The following PHF8 variants were observed in gnomAD, a reference collection of about 807,000 sequenced individuals.
The protein encoded by PHF8 is histone lysine demethylase PHF8.
In PHF8, 9 loss-of-function variants were observed where a neutral mutation model predicts 74.4. The observed-to-expected ratio is 0.12, with a 90% CI of 0.07 to 0.21. PHF8 has a LOEUF of 0.21. PHF8 is among the 10% of genes least tolerant of loss of function. The probability of loss-of-function intolerance (pLI) is 1.00; values close to 1 mark genes in which losing one functional copy is unlikely to be tolerated. For missense variants in PHF8, 478 were observed against 816.6 expected, an observed-to-expected ratio of 0.59 and a Z score of 5.05; for synonymous variants, 311 against 316.6, an observed-to-expected ratio of 0.98 and a Z score of 0.19.
chrX:54,033,122 T>G (rs1557113033), intron 2 of PHF8, among the ~76,000 whole-genome samples: 1 of 111,004 alleles, frequency 9.0e-6, no homozygotes, highest in Non-Finnish European at 1.9e-5. Flanking sequence ...CACCTGGCAG[T>G]CATGAAGTGG....
intron 14 of PHF8, 136 bp from the exon 15 acceptor site, chrX:53,988,080 T>C: frequency 7.4e-6 from 4 of 542,330 alleles, no homozygotes; most frequent in Non-Finnish European, 1.3e-5. Flanking sequence ...AATAAAAAGC[T>C]GATAGTAAAA....
upstream of PHF8, among the ~76,000 whole-genome samples, chrX:54,046,069 CTCA>C (rs1196514800): frequency 2.7e-5 from 3 of 110,700 alleles, no homozygotes; most frequent in Non-Finnish European, 3.8e-5. Context: ...CCGCCAGAGC[CTCA>C]TGAGTAACTG....
chrX:53,944,340 G>A, intron 19 of PHF8, 97 bp from the exon 20 acceptor site: 1 of 608,180 alleles, frequency 1.6e-6, no homozygotes, highest in Non-Finnish European at 2.7e-6. Context: ...ACTCTCATTG[G>A]TCTTCCTGCT....
intron 19 of PHF8, among the ~76,000 whole-genome samples, chrX:53,951,342 T>TA (rs2064920961): frequency 8.9e-6 from 1 of 111,915 alleles, no homozygotes; most frequent in Non-Finnish European, 1.9e-5. Context: ...AAATAACAAC[T>TA]AAAAACTTTC....
intron 18 of PHF8, among the ~76,000 whole-genome samples, chrX:53,971,545 C>G (rs1368717672): frequency 7.2e-5 from 8 of 111,191 alleles, no homozygotes; most frequent in Non-Finnish European, 1.5e-4. Flanking sequence ...AATTCAGGAG[C>G]TTCTTTTTTG....
intron 19 of PHF8, among the ~76,000 whole-genome samples, chrX:53,950,929 A>G (rs1436779335): frequency 1.8e-5 from 2 of 112,065 alleles, no homozygotes; most frequent in African/African-American, 6.5e-5. Context: ...CAATCAGTGG[A>G]AACTGTCCCT....
At chrX:53,940,560 A>C (rs781881512) in intron 20 of PHF8, 44 bp from the exon 21 acceptor site, 4 of 964,721 alleles carry the variant, frequency 4.1e-6, no homozygotes, top group East Asian at 6.3e-5. Flanking sequence ...GGAGTGAAGA[A>C]GACAAGTTCC....
At chrX:54,032,216 G>C (rs2066370888) in intron 2 of PHF8, among the ~76,000 whole-genome samples, 2 of 111,487 alleles carry the variant, frequency 1.8e-5, no homozygotes, top group Non-Finnish European at 3.8e-5. Context: ...ACAGATTCTA[G>C]GGCTCCATCT....
rs1407122543 is a variant in PHF8 at position 53,942,694 on chromosome X, T to C, written c.2649+1440A>G. ...GTACCACGAATGTTGTAGAAGCATA[T>C]AGAAAAAGGCCTCTGAAATAAAGTG... On this transcript the variant is annotated intron_variant, in intron 20 of 21. Coordinates refer to ENST00000338154, the MANE Select transcript of PHF8 (RefSeq NM_015107.3). 5 of 735,117 alleles carry C rather than the reference T, an allele frequency of 6.8e-6. No homozygotes were observed. The East Asian group carries it at 6.1e-4, about 89-fold the overall frequency. The allele number at this position is 735,117 out of a possible 1,213,427, so 60.6% of individuals were successfully genotyped here.
chrX:54,033,140 T>A (rs2066390285), intron 2 of PHF8, among the ~76,000 whole-genome samples: 1 of 111,018 alleles, frequency 9.0e-6, no homozygotes, highest in Non-Finnish European at 1.9e-5. Context: ...TGGTACCCCC[T>A]TTCTGCCACC....
chrX:53,995,525 G>A (rs781844612), intron 12 of PHF8, among the ~76,000 whole-genome samples, 168 bp downstream of exon 12: 10 of 112,002 alleles, frequency 8.9e-5, no homozygotes, highest in Non-Finnish European at 1.9e-4. Flanking sequence ...CCCAATGTGC[G>A]GCACACTTGA....
At position 53,938,906 on chromosome X, in the gene PHF8, T is replaced by A. The variant is rs782666203; in HGVS notation, c.*252A>T. The stretch of plus-strand genomic sequence containing the variant: ...TGGTTTGGACGAGTAGAAAAGAGGG[T>A]TCTAGTCAGCTGGAAACCTCTCCCA... On this transcript the variant is annotated 3_prime_UTR_variant, in exon 22 of 22. Coordinates refer to ENST00000338154, the MANE Select transcript of PHF8 (RefSeq NM_015107.3). The A allele has an allele frequency of 7.4e-6, 7 of 946,716 alleles. No homozygotes were observed. The highest frequency in any genetic ancestry group is 4.5e-4 in the Middle Eastern group (1 of 2,220). The allele number at this position is 946,716 out of a possible 1,213,427, so 78.0% of individuals were successfully genotyped here.
chrX:53,974,274 A>C (rs782635012), intron 18 of PHF8, among the ~76,000 whole-genome samples: 1 of 111,790 alleles, frequency 8.9e-6, no homozygotes, highest in African/African-American at 3.3e-5. Context: ...TCAAAAAAAA[A>C]AAGAAGAAGA....
At chrX:54,045,893 G>A (rs1557117384), upstream of PHF8, among the ~76,000 whole-genome samples, 2 of 110,493 alleles carry the variant, frequency 1.8e-5, no homozygotes, top group African/African-American at 6.6e-5. Context: ...ACAGGTTTTT[G>A]AGCAGGGGTA....
intron 2 of PHF8, among the ~76,000 whole-genome samples, chrX:54,024,571 C>T (rs782688426): frequency 3.1e-4 from 35 of 111,745 alleles, no homozygotes; most frequent in African/African-American, 1.1e-3. Flanking sequence ...AACTGCTCAA[C>T]ATTGGCACTC....
Position 53,937,775 on chromosome X carries a change from T to G in PHF8, c.*1383A>C. The stretch of plus-strand genomic sequence containing the variant: ...CCCAGAAGCATTGGGCAAGCTGGGG[T>G]GAGGTTGGAGTGGGTGGTACAGGTG... On this transcript the variant is annotated 3_prime_UTR_variant, in exon 22 of 22. Coordinates refer to ENST00000338154, the MANE Select transcript of PHF8 (RefSeq NM_015107.3). 2 of 374,810 alleles carry G rather than the reference T, an allele frequency of 5.3e-6. No individual in the cohort carries two copies. The highest frequency in any genetic ancestry group is 9.3e-6 in the Non-Finnish European group (2 of 216,021). The allele number at this position is 374,810 out of a possible 1,213,427, so 30.9% of individuals were successfully genotyped here. A position where few individuals can be genotyped will look rare whatever the true frequency, so the allele number is the denominator to read the frequency against.
At chrX:53,983,599 T>C (rs998027000) in intron 18 of PHF8, among the ~76,000 whole-genome samples, 4 of 111,842 alleles carry the variant, frequency 3.6e-5, no homozygotes, top group South Asian at 3.8e-4. Flanking sequence ...TTATTAACAT[T>C]TGTCTTCTAC....
chrX:53,952,600 T>C (rs1431281333), intron 19 of PHF8, among the ~76,000 whole-genome samples: 5 of 110,994 alleles, frequency 4.5e-5, no homozygotes, highest in Non-Finnish European at 7.6e-5. Context: ...TAAGTGATAA[T>C]AGGCTGGGCG....
chrX:53,998,604 T>A (rs968044674), intron 11 of PHF8, among the ~76,000 whole-genome samples: 6 of 111,773 alleles, frequency 5.4e-5, no homozygotes, highest in African/African-American at 2.0e-4. Context: ...AGTTTCTACA[T>A]CCCAGATCAT....
Sources: gnomAD v4.1 joint callset for allele counts (sites outside exome capture counted in the v4.1 genomes callset) on GRCh38, gnomAD v4.1.1 for gene constraint, MANE v1.5 for transcripts, NCBI Gene and HGNC (gene_info 2026-07-23, HGNC 2026-07-21) for gene names.